ANKFN1: variants seen among roughly 807,000 people sequenced by gnomAD.
The protein encoded by ANKFN1 is ankyrin repeat and fibronectin type III domain containing 1.
Under a neutral mutation model 108.7 loss-of-function variants are expected in ANKFN1, and 74 were observed. The ratio of observed to expected loss-of-function variants is 0.68; its 90% CI spans 0.56 to 0.83. The LOEUF (loss-of-function observed/expected upper bound fraction) is 0.83, where lower values mean the gene tolerates loss of function less well. Ranked by LOEUF, ANKFN1 falls within the 40% of genes least tolerant of loss-of-function variation. The pLI is 0.00. For missense variants in ANKFN1, 1,505 were observed against 1,382.3 expected, an observed-to-expected ratio of 1.09 and a Z score of -1.41; for synonymous variants, 547 against 516.2, an observed-to-expected ratio of 1.06 and a Z score of -0.81.
At chr17:56,383,791 A>G (rs921570978) in intron 8 of ANKFN1, among the ~76,000 whole-genome samples, 5 of 152,184 alleles carry the variant, frequency 3.3e-5, no homozygotes, top group African/African-American at 4.8e-5. Flanking sequence ...AAGAAGTTGA[A>G]TCTCTAAATA....
intron 8 of ANKFN1, among the ~76,000 whole-genome samples, chr17:56,380,027 C>T (rs1316561284): frequency 1.3e-5 from 2 of 152,198 alleles, no homozygotes; most frequent in Non-Finnish European, 1.5e-5. Flanking sequence ...CTGTCAAGTT[C>T]ACTTTTAAAA....
intron 6 of ANKFN1, among the ~76,000 whole-genome samples, chr17:56,365,053 C>T (rs1598465051): frequency 6.6e-6 from 1 of 152,110 alleles, no homozygotes; most frequent in Non-Finnish European, 1.5e-5. Context: ...TTTTAGAATT[C>T]CCCTACATTA....
chr17:56,389,980 G>A (rs542958731), intron 8 of ANKFN1, among the ~76,000 whole-genome samples: 44 of 151,156 alleles, frequency 2.9e-4, no homozygotes, highest in Non-Finnish European at 5.8e-4. Flanking sequence ...GATTGTTCAG[G>A]TGTCTTTTAA....
intron 8 of ANKFN1, among the ~76,000 whole-genome samples, chr17:56,403,641 T>C (rs1166829657): frequency 2.0e-5 from 3 of 152,214 alleles, no homozygotes; most frequent in Non-Finnish European, 4.4e-5. Context: ...TTAGGCCATT[T>C]ACATTCAATG....
chr17:56,348,619 G>T lies in ANKFN1; in HGVS notation c.189-2147G>T, dbSNP rs1385885154. Among the ~76,000 whole-genome samples, 4 of 152,110 alleles carry T rather than the reference G, an allele frequency of 2.6e-5. No homozygotes were observed. In the East Asian group the frequency reaches 7.7e-4, roughly 29 times the overall value. ...AGACATGAACAGACACTTCTCAAAA[G>T]ATATACATGTGGCCAATAAACATGC... On this transcript the variant is annotated intron_variant, in intron 4 of 20. Transcript: ENST00000682825.
chr17:56,335,558 T>C (rs1179515409), intron 4 of ANKFN1, among the ~76,000 whole-genome samples: 1 of 152,230 alleles, frequency 6.6e-6, no homozygotes, highest in African/African-American at 2.4e-5. Flanking sequence ...TTTTTGCACA[T>C]TGATTTTGTA....
chr17:56,274,783 GTATT>G (rs969416882), intron 3 of ANKFN1, among the ~76,000 whole-genome samples: 6 of 152,148 alleles, frequency 3.9e-5, no homozygotes, highest in African/African-American at 7.2e-5. Context: ...CAAGCTGAAT[GTATT>G]CATTCATTCA....
chr17:56,325,782 G>A lies in ANKFN1; in HGVS notation c.54-439G>A, dbSNP rs534110731. 1.2e-3 allele frequency among the ~76,000 whole-genome samples: 182 copies of A among 152,336 alleles called. 1 individual carries two copies. The highest frequency in any genetic ancestry group is 4.2e-3 in the African/African-American group (176 of 41,572). ...AACAAGGCGGTGTCTGGCCCCAGAA[G>A]GGCTGTAGATCATTTGCACTCACAG... On this transcript the variant is annotated intron_variant, in intron 3 of 20. Coordinates refer to ENST00000682825, the MANE Select transcript of ANKFN1 (RefSeq NM_001370326.1).
chr17:56,135,996 A>G (rs974216763), intron 4 of ANKFN1, among the ~76,000 whole-genome samples: 1 of 152,194 alleles, frequency 6.6e-6, no homozygotes. Flanking sequence ...ATATTTTGAT[A>G]AAAAGGTATC....
intron 3 of ANKFN1, among the ~76,000 whole-genome samples, chr17:56,313,750 T>C (rs2045113832): frequency 6.6e-6 from 1 of 152,246 alleles, no homozygotes; most frequent in African/African-American, 2.4e-5. Context: ...CTCTGTAAGG[T>C]AGCTAAGGCA....
intron 4 of ANKFN1, among the ~76,000 whole-genome samples, chr17:56,089,966 G>A (rs1192867397): frequency 2.0e-5 from 3 of 151,406 alleles, no homozygotes; most frequent in African/African-American, 7.3e-5. Context: ...CAATATGAAA[G>A]GGAAAGATAG....
rs1469089822 is a variant in ANKFN1 at position 56,372,682 on chromosome 17, C to A, written c.638C>A (p.Thr213Lys). 1 of 1,613,786 alleles carries A rather than the reference C, an allele frequency of 6.2e-7. No individual in the cohort carries two copies. The highest frequency in any genetic ancestry group is 2.2e-5 in the East Asian group (1 of 44,848). Reference sequence around the variant, plus strand: ...GAAAGCCGAGCAATGCACCTCAACACACTGGTCCAGGAAGCCCAGGAGAGG... The same window carrying A: ...GAAAGCCGAGCAATGCACCTCAACAAACTGGTCCAGGAAGCCCAGGAGAGG... ...SLESRAMHLN[T>K]LVQEAQERVS... Residue 213 changes from threonine (T) to lysine (K), a missense_variant, in exon 7 of 21, where the codon ACA (threonine) becomes AAA (lysine). Physicochemically the swap from Thr to Lys is moderately conservative, Grantham distance 78 (BLOSUM62 -1). Coordinates refer to ENST00000682825, the MANE Select transcript of ANKFN1 (RefSeq NM_001370326.1).
intron 1 of ANKFN1, among the ~76,000 whole-genome samples, chr17:56,199,254 G>A (rs1385137106): frequency 8.9e-6 from 1 of 112,384 alleles, no homozygotes; most frequent in Non-Finnish European, 1.7e-5. Context: ...TTTCTAGCTC[G>A]TTATTGCTGT....
At chr17:56,300,287 G>C (rs2044635830) in intron 3 of ANKFN1, among the ~76,000 whole-genome samples, 1 of 152,200 alleles carries the variant, frequency 6.6e-6, no homozygotes, top group African/African-American at 2.4e-5. Context: ...CAGGACTCTA[G>C]ATGTCGCTCG....
intron 4 of ANKFN1, among the ~76,000 whole-genome samples, chr17:56,345,354 C>G (rs1474726074): frequency 6.6e-6 from 1 of 152,124 alleles, no homozygotes; most frequent in Non-Finnish European, 1.5e-5. Context: ...TATAAACATA[C>G]ATGTGCATGT....
intron 4 of ANKFN1, among the ~76,000 whole-genome samples, chr17:56,048,469 A>T (rs763119586): frequency 2.1e-4 from 32 of 152,064 alleles, no homozygotes; most frequent in Non-Finnish European, 4.4e-4. Flanking sequence ...CCTGATGCAC[A>T]TTAGATTCTT....
intron 4 of ANKFN1, among the ~76,000 whole-genome samples, chr17:56,336,678 T>C (rs538425965): frequency 6.6e-6 from 1 of 152,312 alleles, no homozygotes; most frequent in African/African-American, 2.4e-5. Context: ...AGTTCCTGGA[T>C]TCATTGATTT....
At chr17:56,072,893 A>C (rs16956631) in intron 4 of ANKFN1, among the ~76,000 whole-genome samples, 1 of 152,250 alleles carries the variant, frequency 6.6e-6, no homozygotes, top group African/African-American at 2.4e-5. Context: ...GAAATTCCCA[A>C]ATGTATCCTG....
chr17:56,120,440 T>A (rs780405412), intron 4 of ANKFN1, among the ~76,000 whole-genome samples: 7 of 152,178 alleles, frequency 4.6e-5, no homozygotes, highest in Non-Finnish European at 8.8e-5. Context: ...GGATATGCTA[T>A]CCTCAGTTTA....
Sources: gnomAD v4.1 joint callset for allele counts (sites outside exome capture counted in the v4.1 genomes callset) on GRCh38, gnomAD v4.1.1 for gene constraint, MANE v1.5 for transcripts, NCBI Gene and HGNC (gene_info 2026-07-23, HGNC 2026-07-21) for gene names.